Variants in TTC7B observed in about 807,000 individuals in gnomAD.
TTC7B encodes tetratricopeptide repeat domain 7B.
A neutral mutation model predicts 106.8 loss-of-function variants in TTC7B; 28 were observed. The observed-to-expected ratio is 0.26, with a 90% CI of 0.19 to 0.36. The LOEUF is 0.36. Ranked by LOEUF, TTC7B falls within the 10% of genes least tolerant of loss-of-function variation. The probability of loss-of-function intolerance (pLI) is 1.00; values close to 1 mark genes in which losing one functional copy is unlikely to be tolerated. For synonymous variants in TTC7B, 405 were observed against 430.6 expected, an observed-to-expected ratio of 0.94 and a Z score of 0.74; for missense variants, 862 against 1,076.4, an observed-to-expected ratio of 0.80 and a Z score of 2.79.
Position 90,593,482 on chromosome 14 carries a change from G to T in TTC7B, c.2107+4C>A. The T allele has an allele frequency of 6.3e-7, 1 of 1,588,540 alleles. No homozygotes were observed. On this transcript the variant is annotated splice_donor_region_variant and intron_variant, in intron 18 of 19. Transcript: ENST00000328459. The stretch of plus-strand genomic sequence containing the variant: ...CAGCGGGTTGTGGGTGAGGCGGAGG[G>T]TACCTGCATGGAGCCAGATCTGTGC...
At chr14:90,634,870 A>G (rs1884863685) in intron 15 of TTC7B, among the ~76,000 whole-genome samples, 1 of 152,224 alleles carries the variant, frequency 6.6e-6, no homozygotes, top group Non-Finnish European at 1.5e-5. Context: ...ATACCAATAC[A>G]GTTTTAAACA....
intron 17 of TTC7B, among the ~76,000 whole-genome samples, chr14:90,595,368 TAA>T (rs1452246591): frequency 1.3e-5 from 2 of 151,796 alleles, no homozygotes; most frequent in African/African-American, 4.8e-5. Context: ...AATAAATAAT[TAA>T]AAAAGAGTCT....
At position 90,804,029 on chromosome 14, in the gene TTC7B, G is replaced by A. The variant is rs933842414; in HGVS notation, c.121+12146C>T. Among the ~76,000 whole-genome samples, 14 of 152,028 alleles carry A rather than the reference G, an allele frequency of 9.2e-5. No homozygotes were observed. The South Asian group carries it at 1.5e-3, about 16-fold the overall frequency. On this transcript the variant is annotated intron_variant, in intron 1 of 19. Transcript: ENST00000328459. ...CCACACAGGCAAGTTCAACACACTCGCAGAGAGCCAAAAGAAAGAGCTGTG... is the reference window on the plus strand; with the variant it reads ...CCACACAGGCAAGTTCAACACACTCACAGAGAGCCAAAAGAAAGAGCTGTG...
intron 17 of TTC7B, among the ~76,000 whole-genome samples, chr14:90,607,951 G>T (rs965936914): frequency 6.6e-6 from 1 of 152,254 alleles, no homozygotes; most frequent in African/African-American, 2.4e-5. Flanking sequence ...AAATAAGATG[G>T]ATGGGCAGGG....
At chr14:90,687,745 T>C (rs1887301850) in intron 7 of TTC7B, among the ~76,000 whole-genome samples, 4 of 152,184 alleles carry the variant, frequency 2.6e-5, no homozygotes, top group South Asian at 2.1e-4. Context: ...TAAACACATA[T>C]TGTGAATTAA....
intron 3 of TTC7B, among the ~76,000 whole-genome samples, chr14:90,765,464 A>G (rs1271125492): frequency 2.6e-5 from 4 of 152,250 alleles, no homozygotes; most frequent in Admixed American, 6.5e-5. Flanking sequence ...ATTGTATGGT[A>G]TATGAGTTAT....
chr14:90,643,265 GGGTGT>G (rs1348002273), intron 15 of TTC7B, among the ~76,000 whole-genome samples: 1 of 151,986 alleles, frequency 6.6e-6, no homozygotes, highest in Non-Finnish European at 1.5e-5. Context: ...AAAATTAGCT[GGGTGT>G]GGTGGCAGGC....
At chr14:90,665,357 G>A (rs1022140358) in intron 9 of TTC7B, among the ~76,000 whole-genome samples, 4 of 152,192 alleles carry the variant, frequency 2.6e-5, no homozygotes, top group Non-Finnish European at 4.4e-5. Flanking sequence ...TGTCACTTGC[G>A]AAAACGTTTC....
Position 90,744,935 on chromosome 14 carries a change from T to A in TTC7B, c.446-13A>T, listed in dbSNP as rs370101637. On this transcript the variant is annotated splice_polypyrimidine_tract_variant and intron_variant, in intron 3 of 19. Coordinates refer to ENST00000328459, the MANE Select transcript of TTC7B (RefSeq NM_001010854.2). ...TCCAAACAAAGTCCTTAAAAAAATA[T>A]CAGACACAAAAACTGAGTGAATTTT... 1 of 1,611,816 alleles carries A rather than the reference T, an allele frequency of 6.2e-7. No individual in the cohort carries two copies. Among genetic ancestry groups the A allele is most frequent in the African/African-American group, 1.3e-5 (1 of 74,888 alleles).
At chr14:90,707,912 C>G (rs970224676) in intron 5 of TTC7B, among the ~76,000 whole-genome samples, 1 of 151,846 alleles carries the variant, frequency 6.6e-6, no homozygotes, top group African/African-American at 2.4e-5. Context: ...TTTGGGAGGC[C>G]GAGGCGGGCG....
In TTC7B at chr14:90,532,217, GTAAAACTATA is replaced by G. The variant is rs1254620306; in HGVS notation, c.*9141_*9150del. The G allele has an allele frequency of 3.3e-5, 5 of 152,170 alleles. No homozygotes were observed. Among genetic ancestry groups the G allele is most frequent in the Non-Finnish European group, 7.3e-5 (5 of 68,038 alleles). The allele number at this position is 152,170 out of a possible 1,614,324, so 9.4% of individuals were successfully genotyped here. ...AAACCAAAACTACATAAAACTATTT[GTAAAACTATA>G]TAAAACTACATAAAAATATTTGTAA... On this transcript the variant is annotated 3_prime_UTR_variant, in exon 20 of 20. Coordinates refer to ENST00000328459, the MANE Select transcript of TTC7B (RefSeq NM_001010854.2).
chr14:90,689,578 G>A lies in TTC7B; in HGVS notation c.912C>T (p.Tyr304=). 1.2e-6 allele frequency: 2 copies of A among 1,614,154 alleles called. No homozygotes were observed. The highest frequency in any genetic ancestry group is 2.2e-5 in the South Asian group (2 of 91,074). Residue 304 remains tyrosine (Y), a synonymous_variant, in exon 7 of 20, where the codon TAC becomes TAT. Coordinates refer to ENST00000328459, the MANE Select transcript of TTC7B (RefSeq NM_001010854.2). ...PLRKGANTKT[Y]TLTRRARVYS... ...AGACACGGGCTCTCCGAGTGAGAGT[G>A]TAGGTTTTTGTGTTTGCTCCTTTGC...
intron 1 of TTC7B, among the ~76,000 whole-genome samples, chr14:90,790,780 C>T (rs993673832): frequency 1.3e-5 from 2 of 152,132 alleles, no homozygotes; most frequent in East Asian, 1.9e-4. Flanking sequence ...TGGGCTAGAG[C>T]TACTGAGTTC....
chr14:90,787,220 A>G (rs921678665), intron 1 of TTC7B, among the ~76,000 whole-genome samples: 4 of 152,238 alleles, frequency 2.6e-5, no homozygotes, highest in Non-Finnish European at 5.9e-5. Context: ...TCCCGAGAGC[A>G]TACTACTACT....
intron 9 of TTC7B, chr14:90,676,013 A>G (rs749269418): frequency 1.3e-5 from 2 of 152,464 alleles, no homozygotes; most frequent in African/African-American, 4.8e-5. Flanking sequence ...AGAAGATGAC[A>G]GTACCTTGCA....
At chr14:90,617,169 C>T (rs962199404) in intron 16 of TTC7B, among the ~76,000 whole-genome samples, 3 of 152,176 alleles carry the variant, frequency 2.0e-5, no homozygotes, top group African/African-American at 4.8e-5. Flanking sequence ...CTTTACAGCT[C>T]TGTAGGGGTA....
rs540781685 is a variant in TTC7B at position 90,771,632 on chromosome 14, C to T, written c.445+9106G>A. Reference sequence around the variant, plus strand: ...GAAAAAAATCCATAAGGCACACCACCGTGCAGCCTTTACAAACTAAGTTTT... The same window carrying T: ...GAAAAAAATCCATAAGGCACACCACTGTGCAGCCTTTACAAACTAAGTTTT... On this transcript the variant is annotated intron_variant, in intron 3 of 19. Transcript: ENST00000328459. Among the ~76,000 whole-genome samples the T allele has an allele frequency of 9.9e-5, 15 of 151,972 alleles. No homozygotes were observed. In the East Asian group the frequency reaches 2.1e-3, roughly 22 times the overall value.
At chr14:90,756,016 G>A (rs775434822) in intron 3 of TTC7B, among the ~76,000 whole-genome samples, 4 of 152,174 alleles carry the variant, frequency 2.6e-5, no homozygotes, top group South Asian at 2.1e-4. Flanking sequence ...TATTCCCACC[G>A]TTCAAAATCA....
chr14:90,652,237 C>T (rs955147296), intron 13 of TTC7B, among the ~76,000 whole-genome samples: 4 of 152,164 alleles, frequency 2.6e-5, no homozygotes, highest in African/African-American at 9.7e-5. Flanking sequence ...GTCTTCCTCA[C>T]TTGTGTGTGG....
Sources: allele counts gnomAD v4.1 joint callset (sites outside exome capture counted in the v4.1 genomes callset), GRCh38; gene constraint gnomAD v4.1.1; transcripts MANE v1.5; gene names NCBI Gene and HGNC (gene_info 2026-07-23, HGNC 2026-07-21).